The following GPR19 variants were observed in gnomAD, a reference collection of about 807,000 sequenced individuals.
GPR19 encodes G protein-coupled receptor 19, also known as probable G protein-coupled receptor 19.
In GPR19, 14 loss-of-function variants were observed where a neutral mutation model predicts 28.5. That is an observed-to-expected ratio of 0.49 (90% CI 0.32 to 0.77). The LOEUF is 0.77. GPR19 is among the 30% of genes least tolerant of loss of function. The probability of loss-of-function intolerance (pLI) is 0.03; values close to 1 mark genes in which losing one functional copy is unlikely to be tolerated. For synonymous variants in GPR19, 173 were observed against 184.1 expected (o/e 0.94, Z 0.49); for missense variants, 409 against 504.1 (o/e 0.81, Z 1.81).
At chr12:12,684,729 T>C (rs1946069929) in intron 2 of GPR19, among the ~76,000 whole-genome samples, 1 of 152,178 alleles carries the variant, frequency 6.6e-6, no homozygotes, top group African/African-American at 2.4e-5. Context: ...TCTGTCTTGA[T>C]TGGCTCAGAC....
At chr12:12,677,017 TG>T (rs1431732152) in intron 3 of GPR19, among the ~76,000 whole-genome samples, 1 of 152,014 alleles carries the variant, frequency 6.6e-6, no homozygotes, top group Non-Finnish European at 1.5e-5. Context: ...GAAAAGGAGG[TG>T]AAGGACTTGT....
chr12:12,662,348 G>A lies in GPR19; in HGVS notation c.101C>T (p.Pro34Leu). ...QNRSCTETATPLPSQYLMELS... is the reference protein window; with the variant it reads ...QNRSCTETATLLPSQYLMELS... ...TTCCATCAGGTATTGGCTTGGCAGA[G>A]GTGTGGCTGTTTCAGTGCAGCTGCG... is the stretch of plus-strand genomic sequence containing the variant. The change falls in exon 4 of 4, where the codon CCT (proline) becomes CTT (leucine). Residue 34 changes from proline (P) to leucine (L), a missense_variant. Coordinates refer to ENST00000651487, the MANE Select transcript of GPR19 (RefSeq NM_006143.3). 2 of 1,614,224 alleles carry A rather than the reference G, an allele frequency of 1.2e-6. No homozygotes were observed. The highest frequency in any genetic ancestry group is 8.5e-7 in the Non-Finnish European group (1 of 1,180,042).
chr12:12,677,118 A>G (rs1945943246), intron 3 of GPR19, among the ~76,000 whole-genome samples: 1 of 152,176 alleles, frequency 6.6e-6, no homozygotes, highest in East Asian at 1.9e-4. Context: ...ATTCACATCA[A>G]CATTCCGGGT....
chr12:12,672,675 A>G (rs1945871198), intron 3 of GPR19, among the ~76,000 whole-genome samples: 1 of 152,054 alleles, frequency 6.6e-6, no homozygotes, highest in Non-Finnish European at 1.5e-5. Context: ...TGAACCCCGG[A>G]GGCGGAGGTT....
At chr12:12,672,835 A>G (rs542737743) in intron 3 of GPR19, among the ~76,000 whole-genome samples, 1 of 152,228 alleles carries the variant, frequency 6.6e-6, no homozygotes, top group East Asian at 1.9e-4. Flanking sequence ...ACATTTATCC[A>G]TTTTTTAAAA....
intron 2 of GPR19, among the ~76,000 whole-genome samples, chr12:12,691,066 T>G (rs978117602): frequency 3.3e-5 from 5 of 152,126 alleles, no homozygotes; most frequent in African/African-American, 1.2e-4. Context: ...TTAATTGTGA[T>G]GCAGAAGTTA....
At chr12:12,677,112 A>T (rs1945943124) in intron 3 of GPR19, among the ~76,000 whole-genome samples, 1 of 152,112 alleles carries the variant, frequency 6.6e-6, no homozygotes, top group Admixed American at 6.6e-5. Flanking sequence ...CATCTTATTC[A>T]CATCAACATT....
the GPR19 span, among the ~76,000 whole-genome samples, chr12:12,707,986 A>ATTT: frequency 1.0e-4 from 5 of 48,244 alleles, no homozygotes; most frequent in East Asian, 7.2e-4. Flanking sequence ...TTTATTTCCT[A>ATTT]TTCTTTTTTT....
chr12:12,662,074 C>T lies in GPR19; in HGVS notation c.375G>A (p.Gln125=). 6 of 1,614,234 alleles carry T rather than the reference C, an allele frequency of 3.7e-6. No homozygotes were observed. Among genetic ancestry groups the T allele is most frequent in the Non-Finnish European group, 5.1e-6 (6 of 1,180,044 alleles). Residue 125 remains glutamine (Q), a synonymous_variant, in exon 4 of 4, where the codon CAG becomes CAA. Coordinates refer to ENST00000651487, the MANE Select transcript of GPR19 (RefSeq NM_006143.3). ...SVASTPFVLL[Q]FTTGRWTLGS... Reference sequence around the variant, plus strand: ...CCAGCGTCCACCTTCCAGTGGTGAACTGGAGCAGGACGAAAGGCGTGCTGG... The same window carrying T: ...CCAGCGTCCACCTTCCAGTGGTGAATTGGAGCAGGACGAAAGGCGTGCTGG...
chr12:12,699,199 G>A (rs531337874), upstream of GPR19, among the ~76,000 whole-genome samples: 13 of 151,874 alleles, frequency 8.6e-5, no homozygotes, highest in South Asian at 4.2e-4. Context: ...AAAATTAGCC[G>A]GGCGTGGTGG....
intron 3 of GPR19, among the ~76,000 whole-genome samples, chr12:12,680,783 G>C (rs1458032411): frequency 1.3e-5 from 2 of 152,274 alleles, no homozygotes; most frequent in Admixed American, 1.3e-4. Flanking sequence ...CCACCTACCG[G>C]GTTCAAGCGA....
At chr12:12,699,396 T>C (rs1389218123), upstream of GPR19, among the ~76,000 whole-genome samples, 1 of 152,210 alleles carries the variant, frequency 6.6e-6, no homozygotes, top group Admixed American at 6.5e-5. Context: ...GGTTTGTGTA[T>C]GAATCCCTAA....
At chr12:12,703,219 C>T in the GPR19 span, 1 of 187,208 alleles carries the variant, frequency 5.3e-6, no homozygotes, top group Non-Finnish European at 1.0e-5. Flanking sequence ...ATGAGCTTGG[C>T]TGAGGTTAGA....
rs117310741 is a variant in GPR19, at chr12:12,674,353, C to G, written c.-23+9998G>C. Among the ~76,000 whole-genome samples the G allele has an allele frequency of 4.2e-4, 62 of 148,230 alleles. No individual in the cohort carries two copies. In the East Asian group the frequency reaches 0.011, roughly 27 times the overall value. On this transcript the variant is annotated intron_variant, in intron 3 of 3. Transcript: ENST00000651487. ...TACTTGGGAGGCTGAGGCAGGAGAA[C>G]TGCTTGAGCCTAGGAGGTTGAGGCT...
chr12:12,678,268 G>A (rs982294327), intron 3 of GPR19, among the ~76,000 whole-genome samples: 8 of 147,416 alleles, frequency 5.4e-5, no homozygotes, highest in African/African-American at 2.1e-4. Context: ...AAAAAATATT[G>A]TTATGTATAT....
At chr12:12,707,878 C>T in the GPR19 span, among the ~76,000 whole-genome samples, 3 of 151,466 alleles carry the variant, frequency 2.0e-5, no homozygotes, top group Non-Finnish European at 4.4e-5. Context: ...GTCACTGCGC[C>T]GAGCCCAAAT....
At chr12:12,707,921 T>C in the GPR19 span, among the ~76,000 whole-genome samples, 1 of 151,644 alleles carries the variant, frequency 6.6e-6, no homozygotes, top group Non-Finnish European at 1.5e-5. Flanking sequence ...TGTCCACTTA[T>C]GTTTTAACCA....
At chr12:12,716,677 A>C in the GPR19 span, 1 of 801,688 alleles carries the variant, frequency 1.2e-6, no homozygotes, top group Non-Finnish European at 1.5e-6. Context: ...AGTTCATGAT[A>C]AGTGCCGCGT....
At chr12:12,692,515 G>A (rs1946198391) in intron 2 of GPR19, among the ~76,000 whole-genome samples, 1 of 152,054 alleles carries the variant, frequency 6.6e-6, no homozygotes, top group African/African-American at 2.4e-5. Context: ...TTACAGGCGT[G>A]AGCTACTGCG....
Sources: gnomAD v4.1 joint callset for allele counts (sites outside exome capture counted in the v4.1 genomes callset) on GRCh38, gnomAD v4.1.1 for gene constraint, MANE v1.5 for transcripts, NCBI Gene and HGNC (gene_info 2026-07-23, HGNC 2026-07-21) for gene names.